Variants in ZSCAN29 observed in about 807,000 individuals in gnomAD.
The protein encoded by ZSCAN29 is zinc finger and SCAN domain containing 29, also known as zinc finger and SCAN domain-containing protein 29.
In ZSCAN29, 55 loss-of-function variants were observed where a neutral mutation model predicts 71.9. That is an observed-to-expected ratio of 0.76 (90% confidence interval 0.62 to 0.96). ZSCAN29 has a LOEUF of 0.96. Among genes scored for constraint, ZSCAN29 ranks in the 40% least tolerant of loss-of-function variants. The probability of loss-of-function intolerance (pLI) is 0.00; values close to 1 mark genes in which losing one functional copy is unlikely to be tolerated. For missense variants in ZSCAN29, 1,042 were observed against 1,042.2 expected (o/e 1.00, Z 0.00); for synonymous variants, 351 against 371.6 (o/e 0.94, Z 0.64).
chr15:43,362,907 A>G (rs936119498), intron 5 of ZSCAN29, among the ~76,000 whole-genome samples: 2 of 152,166 alleles, frequency 1.3e-5, no homozygotes, highest in African/African-American at 2.4e-5. Context: ...AATGGCTACT[A>G]TGTGCCAGGC....
chr15:43,371,024 A>C lies in ZSCAN29; in HGVS notation c.-579T>G. ...GCCCCGGCTCTCCAGCCTCCCAAGT[A>C]CAGCTCCCAAACCGGAAGTCCGAGC... On this transcript the variant is annotated 5_prime_UTR_variant, in exon 1 of 6. Transcript: ENST00000684362. The C allele has an allele frequency of 2.6e-6, 1 of 384,428 alleles. No homozygotes were observed. Among genetic ancestry groups the C allele is most frequent in the Non-Finnish European group, 5.0e-6 (1 of 199,872 alleles). The allele number at this position is 384,428 out of a possible 1,614,324, so 23.8% of individuals were successfully genotyped here. A position where few individuals can be genotyped will look rare whatever the true frequency, so the allele number is the denominator to read the frequency against.
chr15:43,368,292 G>A (rs1229697051), intron 3 of ZSCAN29, among the ~76,000 whole-genome samples: 1 of 53,240 alleles, frequency 1.9e-5, no homozygotes, highest in East Asian at 6.7e-4. Flanking sequence ...TTGGGAGGCC[G>A]AGGCGGGCGG....
chr15:43,361,161 C>G lies in ZSCAN29; in HGVS notation c.2471G>C (p.Gly824Ala). The change falls in exon 6 of 6, where the codon GGT becomes GCT. Residue 824 changes from glycine (G) to alanine (A), a missense_variant. Gly to Ala is a moderately conservative substitution (Grantham distance 60). Transcript: ENST00000684362. ...GGCAGAGCTTTTACTGAAGCACTTA[C>G]CACAGTCATGACACCCATAGGGTTT... is the stretch of plus-strand genomic sequence containing the variant. ...GEKPYGCHDCGKCFSKSSALN... is the reference protein window; with the variant it reads ...GEKPYGCHDCAKCFSKSSALN... 1.2e-6 allele frequency: 2 copies of G among 1,614,168 alleles called. No homozygotes were observed. Among genetic ancestry groups the G allele is most frequent in the Non-Finnish European group, 1.7e-6 (2 of 1,180,006 alleles).
chr15:43,366,920 G>T, intron 3 of ZSCAN29, 112 bp from the exon 4 acceptor site: 1 of 1,062,294 alleles, frequency 9.4e-7, no homozygotes, highest in Non-Finnish European at 1.3e-6. Flanking sequence ...AAAGTGTCTA[G>T]GGAAATGTTT....
chr15:43,370,083 G>A, intron 1 of ZSCAN29, 58 bp from the exon 2 acceptor site: 1 of 697,792 alleles, frequency 1.4e-6, no homozygotes, highest in Non-Finnish European at 2.3e-6. Context: ...CTAAAGTCTT[G>A]CCAGAGCTGG....
Position 43,361,350 on chromosome 15 carries a change from G to A in ZSCAN29, c.2282C>T (p.Pro761Leu). 1.2e-6 allele frequency: 2 copies of A among 1,614,058 alleles called. No homozygotes were observed. The highest frequency in any genetic ancestry group is 8.5e-7 in the Non-Finnish European group (1 of 1,180,012). Residue 761 changes from proline (P) to leucine (L), a missense_variant, in exon 6 of 6, where the codon CCC (proline) becomes CTC (leucine). Coordinates refer to ENST00000684362, the MANE Select transcript of ZSCAN29 (RefSeq NM_001372080.1). ...IHQRTHTGEK[P>L]YQCEECGKSF... ...TTTTCCACACTCTTCACATTGATAG[G>A]GCTTTTCTCCTGTGTGGGTTCTCTG...
At position 43,358,793 on chromosome 15, in the gene ZSCAN29, G is replaced by A. The variant is rs1258593741; in HGVS notation, c.*2280C>T. 6.6e-6 allele frequency: 1 copy of A among 152,192 alleles called. No homozygotes were observed. The highest frequency in any genetic ancestry group is 2.4e-5 in the African/African-American group (1 of 41,446). 9.4% of individuals were successfully genotyped at this position (152,192 alleles called of 1,614,324 possible). On this transcript the variant is annotated 3_prime_UTR_variant, in exon 6 of 6. Coordinates refer to ENST00000684362, the MANE Select transcript of ZSCAN29 (RefSeq NM_001372080.1). ...AAAACTGCTTATTCTTTCAGTGGCA[G>A]TCAGCTGTTTCCTTATCAATAGTTA...
rs1202758862 is a variant in ZSCAN29 at position 43,359,992 on chromosome 15, A to C, written c.*1081T>G. Reference sequence around the variant, plus strand: ...GAAGAGGGTGCCTGACAAATATGTCATTTTGAGCACAGGTTTAAGTGAGCA... The same window carrying C: ...GAAGAGGGTGCCTGACAAATATGTCCTTTTGAGCACAGGTTTAAGTGAGCA... On this transcript the variant is annotated 3_prime_UTR_variant, in exon 6 of 6. Transcript: ENST00000684362. The C allele has an allele frequency of 6.6e-6, 1 of 152,214 alleles. No individual in the cohort carries two copies. The highest frequency in any genetic ancestry group is 1.5e-5 in the Non-Finnish European group (1 of 68,030). 9.4% of individuals were successfully genotyped at this position (152,214 alleles called of 1,614,324 possible).
At position 43,370,003 on chromosome 15, in the gene ZSCAN29, A is replaced by C; in HGVS notation, c.-90T>G. ...CATGTCCTTGGAGAATCCCCTGCAG[A>C]TGACTGTAAGAGGTGTTTCTTCCTA... On this transcript the variant is annotated 5_prime_UTR_variant, in exon 2 of 6. Coordinates refer to ENST00000684362, the MANE Select transcript of ZSCAN29 (RefSeq NM_001372080.1). 1 of 1,324,212 alleles carries C rather than the reference A, an allele frequency of 7.6e-7. No homozygotes were observed. The highest frequency in any genetic ancestry group is 1.0e-6 in the Non-Finnish European group (1 of 972,332). 82.0% of individuals were successfully genotyped at this position (1,324,212 alleles called of 1,614,324 possible). A position where few individuals can be genotyped will look rare whatever the true frequency, so the allele number is the denominator to read the frequency against.
At position 43,358,361 on chromosome 15, in the gene ZSCAN29, CTTTTTT is replaced by C. The variant is rs58184516; in HGVS notation, c.*2706_*2711del. 6.9e-6 allele frequency: 1 copy of C among 145,752 alleles called. No individual in the cohort carries two copies. Among genetic ancestry groups the C allele is most frequent in the Admixed American group, 6.9e-5 (1 of 14,500 alleles). The allele number at this position is 145,752 out of a possible 1,614,324, so 9.0% of individuals were successfully genotyped here. A position where few individuals can be genotyped will look rare whatever the true frequency, so the allele number is the denominator to read the frequency against. ...ATACATAGATATACTAAAGACAATACTTTTTTTTTTTTTTGACATTACAGCACACTT... is the reference window on the plus strand; with the variant it reads ...ATACATAGATATACTAAAGACAATACTTTTTTTTGACATTACAGCACACTT... On this transcript the variant is annotated 3_prime_UTR_variant, in exon 6 of 6. Coordinates refer to ENST00000684362, the MANE Select transcript of ZSCAN29 (RefSeq NM_001372080.1).
At position 43,360,642 on chromosome 15, in the gene ZSCAN29, A is replaced by C. The variant is rs1264880993; in HGVS notation, c.*431T>G. 1 of 156,872 alleles carries C rather than the reference A, an allele frequency of 6.4e-6. No individual in the cohort carries two copies. The highest frequency in any genetic ancestry group is 1.4e-5 in the Non-Finnish European group (1 of 70,948). The allele number at this position is 156,872 out of a possible 1,614,324, so 9.7% of individuals were successfully genotyped here. On this transcript the variant is annotated 3_prime_UTR_variant, in exon 6 of 6. Coordinates refer to ENST00000684362, the MANE Select transcript of ZSCAN29 (RefSeq NM_001372080.1). ...AAGAGCAAAACTCCGTCTCCAAAAA[A>C]AAAAAAAAGAGCTAGACCCACCTAA...
chr15:43,371,018 C>T lies in ZSCAN29; in HGVS notation c.-573G>A, dbSNP rs2044107181. On this transcript the variant is annotated 5_prime_UTR_variant, in exon 1 of 6. Transcript: ENST00000684362. ...GCCCCGGCCCCGGCTCTCCAGCCTCCCAAGTACAGCTCCCAAACCGGAAGT... is the reference window on the plus strand; with the variant it reads ...GCCCCGGCCCCGGCTCTCCAGCCTCTCAAGTACAGCTCCCAAACCGGAAGT... The T allele has an allele frequency of 2.3e-6, 1 of 428,994 alleles. No homozygotes were observed. Among genetic ancestry groups the T allele is most frequent in the Non-Finnish European group, 4.4e-6 (1 of 228,986 alleles). 26.6% of individuals were successfully genotyped at this position (428,994 alleles called of 1,614,324 possible).
Position 43,366,467 on chromosome 15 carries a change from A to AT in ZSCAN29, c.864dup (p.Tyr289IlefsTer31). ...TGTTCCAGGGTCCGGAGGAAGCCAT[A>AT]TTCCCTGAGCCGCTCAGCCACAGCC... On this transcript the variant is annotated frameshift_variant, in exon 4 of 6. Transcript: ENST00000684362. LOFTEE classifies it high-confidence loss of function. 1 of 1,614,136 alleles carries AT rather than the reference A, an allele frequency of 6.2e-7. No homozygotes were observed. Among genetic ancestry groups the AT allele is most frequent in the Non-Finnish European group, 8.5e-7 (1 of 1,180,016 alleles).
At chr15:43,364,691 G>A (rs981609689) in intron 4 of ZSCAN29, among the ~76,000 whole-genome samples, 4 of 151,898 alleles carry the variant, frequency 2.6e-5, no homozygotes, top group Non-Finnish European at 5.9e-5. Flanking sequence ...TTTGAGACCA[G>A]CCTGGACAAC....
Position 43,361,569 on chromosome 15 carries a change from C to A in ZSCAN29, c.2063G>T (p.Ser688Ile). 2 of 1,614,232 alleles carry A rather than the reference C, an allele frequency of 1.2e-6. No individual in the cohort carries two copies. Among genetic ancestry groups the A allele is most frequent in the African/African-American group, 1.3e-5 (1 of 75,060 alleles). The change falls in exon 6 of 6, where the codon AGT becomes ATT. Residue 688 changes from serine (S) to isoleucine (I), a missense_variant. Ser to Ile is a moderately radical substitution (Grantham distance 142, BLOSUM62 -2). Coordinates refer to ENST00000684362, the MANE Select transcript of ZSCAN29 (RefSeq NM_001372080.1). ...YKCADCGKSF[S>I]RSARLIRHRR... ...GTGTCTAATGAGTCGTGCACTCCGA[C>A]TGAAGCTTTTCCCACAATCAGCACA...
At chr15:43,363,649 G>A (rs749379791) in intron 5 of ZSCAN29, 13 of 370,976 alleles carry the variant, frequency 3.5e-5, no homozygotes, top group Non-Finnish European at 6.3e-5. Flanking sequence ...TAGTAAACTG[G>A]TTGGAAACCT....
At chr15:43,363,660 A>T in intron 5 of ZSCAN29, 1 of 394,386 alleles carries the variant, frequency 2.5e-6, no homozygotes, top group East Asian at 3.8e-5. Context: ...TTGGAAACCT[A>T]GTGGTTCATG....
chr15:43,361,104 TC>T lies in ZSCAN29; in HGVS notation c.2527del (p.Glu843LysfsTer4). On this transcript the variant is annotated frameshift_variant, in exon 6 of 6. Coordinates refer to ENST00000684362, the MANE Select transcript of ZSCAN29 (RefSeq NM_001372080.1). LOFTEE classifies it high-confidence loss of function. Reference sequence around the variant, plus strand: ...GGGAGCTGACTGTGTCAGAAGCTTTTCCCGTGCATGGATTTCTCCGTGCTTA... The same window carrying T: ...GGGAGCTGACTGTGTCAGAAGCTTTTCCGTGCATGGATTTCTCCGTGCTTA... ...LNKHGEIHAREKLLTQSAPK is the reference protein window; with the variant it reads ...LNKHGEIHARXKLLTQSAPK 1 of 1,605,444 alleles carries T rather than the reference TC, an allele frequency of 6.2e-7. No individual in the cohort carries two copies. Among genetic ancestry groups the T allele is most frequent in the Non-Finnish European group, 8.5e-7 (1 of 1,173,358 alleles).
At chr15:43,363,761 C>T in intron 5 of ZSCAN29, 154 bp downstream of exon 5, 2 of 652,420 alleles carry the variant, frequency 3.1e-6, no homozygotes, top group South Asian at 4.7e-5. Context: ...TATATCCCCT[C>T]AGTGAGCTGC....
Sources: allele counts gnomAD v4.1 joint callset (sites outside exome capture counted in the v4.1 genomes callset), GRCh38; gene constraint gnomAD v4.1.1; transcripts MANE v1.5; gene names NCBI Gene and HGNC (gene_info 2026-07-23, HGNC 2026-07-21).